TAAR2: variants seen among roughly 807,000 people sequenced by gnomAD.
The protein encoded by TAAR2 is trace amine associated receptor 2.
In TAAR2, 30 loss-of-function variants were observed where a neutral mutation model predicts 25.5. The ratio of observed to expected loss-of-function variants is 1.18; its 90% confidence interval spans 0.88 to 1.60. The LOEUF (loss-of-function observed/expected upper bound fraction) is 1.60. TAAR2 is among the 40% of genes most tolerant of loss of function. The probability of loss-of-function intolerance (pLI) is 0.00; values close to 1 mark genes in which losing one functional copy is unlikely to be tolerated. For missense variants in TAAR2, 481 were observed against 416.5 expected, an observed-to-expected ratio of 1.15 and a Z score of -1.35; for synonymous variants, 150 against 142.4, an observed-to-expected ratio of 1.05 and a Z score of -0.38.
chr6:132,619,222 C>A (rs1777342052), intron 1 of TAAR2, among the ~76,000 whole-genome samples: 1 of 152,216 alleles, frequency 6.6e-6, no homozygotes, highest in East Asian at 1.9e-4. Flanking sequence ...TTTTAGAAAG[C>A]AAGCCATCTC....
intron 1 of TAAR2, among the ~76,000 whole-genome samples, chr6:132,619,069 G>A (rs1348902818): frequency 6.6e-6 from 1 of 152,242 alleles, no homozygotes; most frequent in East Asian, 1.9e-4. Flanking sequence ...AAGCAGCTAA[G>A]TCAGAGGTGG....
At chr6:132,622,067 T>C (rs973161649) in intron 1 of TAAR2, among the ~76,000 whole-genome samples, 7 of 152,134 alleles carry the variant, frequency 4.6e-5, no homozygotes, top group Admixed American at 4.6e-4. Context: ...TAAGCATCTA[T>C]AGATACATGG....
chr6:132,617,198 G>A lies in TAAR2; in HGVS notation c.1008C>T (p.Ser336=). ...LKYILLGKIF[S]SCFHNTILCM... is the part of the protein sequence containing the mutation. ...ACAAAATAGTATTATGGAAACATGA[G>A]CTGAAAATTTTACCTAGCAAAATGT... The change falls in exon 2 of 2, where the codon AGC becomes AGT. Residue 336 remains serine (S), a synonymous_variant. Coordinates refer to ENST00000367931, the MANE Select transcript of TAAR2 (RefSeq NM_001033080.1). The A allele has an allele frequency of 1.2e-6, 2 of 1,605,842 alleles. No individual in the cohort carries two copies.
At chr6:132,620,312 A>G (rs1463700249) in intron 1 of TAAR2, among the ~76,000 whole-genome samples, 1 of 152,224 alleles carries the variant, frequency 6.6e-6, no homozygotes, top group African/African-American at 2.4e-5. Context: ...ACATCTTTAT[A>G]TCTGCCACCT....
chr6:132,621,356 C>G (rs577409035), intron 1 of TAAR2, among the ~76,000 whole-genome samples: 9 of 151,964 alleles, frequency 5.9e-5, no homozygotes, highest in African/African-American at 2.2e-4. Flanking sequence ...GTCAACCCAC[C>G]TTCTAGGTTT....
intron 1 of TAAR2, among the ~76,000 whole-genome samples, chr6:132,622,393 G>A (rs2114613568): frequency 7.0e-6 from 1 of 143,556 alleles, no homozygotes; most frequent in African/African-American, 2.6e-5. Context: ...ATTTTTCTTT[G>A]TGATGTCTTT....
At chr6:132,621,108 A>G (rs1420244016) in intron 1 of TAAR2, among the ~76,000 whole-genome samples, 1 of 151,800 alleles carries the variant, frequency 6.6e-6, no homozygotes, top group Non-Finnish European at 1.5e-5. Flanking sequence ...TCCAAAGCAA[A>G]TTTTGTTGGT....
chr6:132,617,716 G>A lies in TAAR2; in HGVS notation c.490C>T (p.Leu164=), dbSNP rs972643893. 13 of 1,613,930 alleles carry A rather than the reference G, an allele frequency of 8.1e-6. No individual in the cohort carries two copies. Among genetic ancestry groups the A allele is most frequent in the Non-Finnish European group, 1.1e-5 (13 of 1,179,988 alleles). ...KITIPVIKRL[L]LLCWSVPGAF... ...CCAGGGACCGACCAACATAGAAGTA[G>A]CAATCTTTTAATGACTGGAATAGTT... Residue 164 remains leucine (L), a synonymous_variant, in exon 2 of 2, where the codon CTA becomes TTA. Coordinates refer to ENST00000367931, the MANE Select transcript of TAAR2 (RefSeq NM_001033080.1).
chr6:132,618,530 C>T (rs576892742), intron 1 of TAAR2, among the ~76,000 whole-genome samples: 26 of 152,148 alleles, frequency 1.7e-4, no homozygotes, highest in African/African-American at 5.5e-4. Context: ...ATCCCAGCTA[C>T]TCGGGAGGCT....
rs1562194743 is a variant in TAAR2 at position 132,617,777 on chromosome 6, A to C, written c.429T>G (p.Tyr143Ter). ...AATAAAGTAATGGGTAACATATAGCATAAAATCTATCAATGGCCACTGAGC... is the reference window on the plus strand; with the variant it reads ...AATAAAGTAATGGGTAACATATAGCCTAAAATCTATCAATGGCCACTGAGC... ...HLCSVAIDRFYAICYPLLYST... is the reference protein window; with the variant it reads ...HLCSVAIDRF The change falls in exon 2 of 2, where the codon TAT becomes TAG. Residue 143 changes from tyrosine (Y) to a stop codon, truncating the protein, a stop_gained. Coordinates refer to ENST00000367931, the MANE Select transcript of TAAR2 (RefSeq NM_001033080.1). LOFTEE classifies it high-confidence loss of function. 1.2e-6 allele frequency: 2 copies of C among 1,614,096 alleles called. No individual in the cohort carries two copies. The highest frequency in any genetic ancestry group is 8.5e-7 in the Non-Finnish European group (1 of 1,180,002).
At position 132,617,504 on chromosome 6, in the gene TAAR2, T is replaced by A; in HGVS notation, c.702A>T (p.Ala234=). Residue 234 remains alanine, a synonymous_variant, in exon 2 of 2, where the codon GCA becomes GCT. Transcript: ENST00000367931. ...MMVGIYGKIF[A]VSRKHAHAIN... is the part of the protein sequence containing the mutation. ...TGGCATGAGCATGTTTTCTGGATAC[T>A]GCAAAAATTTTGCCATAAATCCCCA... 1 of 1,614,036 alleles carries A rather than the reference T, an allele frequency of 6.2e-7. No homozygotes were observed. Among genetic ancestry groups the A allele is most frequent in the Admixed American group, 1.7e-5 (1 of 60,010 alleles).
At chr6:132,620,533 G>T (rs544110922) in intron 1 of TAAR2, among the ~76,000 whole-genome samples, 17 of 152,174 alleles carry the variant, frequency 1.1e-4, no homozygotes, top group African/African-American at 4.1e-4. Flanking sequence ...ACCAAATACT[G>T]CATGCTCTCA....
In TAAR2 at chr6:132,618,072, G is replaced by A; in HGVS notation, c.134C>T (p.Ala45Val). ...ENERSLGVRV[A>V]MYSFMAGSIF... The stretch of plus-strand genomic sequence containing the variant: ...GGATCCTGCCATAAATGAATACATA[G>A]CCACTCGGACACCCAGAGATCTTTC... The change falls in exon 2 of 2, where the codon GCT becomes GTT. Residue 45 changes from alanine to valine, a missense_variant. By Grantham distance (64) the Ala-to-Val change is moderately conservative (BLOSUM62 0). Coordinates refer to ENST00000367931, the MANE Select transcript of TAAR2 (RefSeq NM_001033080.1). The A allele has an allele frequency of 6.2e-7, 1 of 1,613,944 alleles. No homozygotes were observed. Among genetic ancestry groups the A allele is most frequent in the Admixed American group, 1.7e-5 (1 of 60,002 alleles).
chr6:132,623,031 C>T (rs897801028), intron 1 of TAAR2, among the ~76,000 whole-genome samples: 7 of 152,086 alleles, frequency 4.6e-5, no homozygotes, highest in Non-Finnish European at 1.0e-4. Flanking sequence ...ACTTTCTTTC[C>T]CTCCCTCCTT....
chr6:132,618,319 T>G, intron 1 of TAAR2, 174 bp from the exon 2 acceptor site: 1 of 777,676 alleles, frequency 1.3e-6, no homozygotes. Context: ...TTTGTAATTT[T>G]GTAGAATTGT....
At position 132,617,890 on chromosome 6, in the gene TAAR2, C is replaced by T. The variant is rs748850827; in HGVS notation, c.316G>A (p.Glu106Lys). Reference sequence around the variant, plus strand: ...GTAAGCCCAAAATACCAGCAGTTCTCCACCGATCTGATCATACTATATGGC... The same window carrying T: ...GTAAGCCCAAAATACCAGCAGTTCTTCACCGATCTGATCATACTATATGGC... ...IMPYSMIRSV[E>K]NCWYFGLTFC... Residue 106 changes from glutamate to lysine, a missense_variant, in exon 2 of 2, where the codon GAG (glutamate) becomes AAG (lysine). By Grantham distance (56) the Glu-to-Lys change is moderately conservative. Transcript: ENST00000367931. 1 of 1,614,040 alleles carries T rather than the reference C, an allele frequency of 6.2e-7. No individual in the cohort carries two copies. The highest frequency in any genetic ancestry group is 8.5e-7 in the Non-Finnish European group (1 of 1,179,978).
chr6:132,619,240 A>G (rs1229508946), intron 1 of TAAR2, among the ~76,000 whole-genome samples: 1 of 152,244 alleles, frequency 6.6e-6, no homozygotes, highest in Non-Finnish European at 1.5e-5. Flanking sequence ...CTCTACTACA[A>G]GAAAATTAAG....
At chr6:132,621,087 A>G (rs1291619585) in intron 1 of TAAR2, among the ~76,000 whole-genome samples, 1 of 152,062 alleles carries the variant, frequency 6.6e-6, no homozygotes, top group Non-Finnish European at 1.5e-5. Flanking sequence ...CTCATTAAAA[A>G]GCGTAGGAAA....
At chr6:132,620,850 A>G (rs779114169) in intron 1 of TAAR2, among the ~76,000 whole-genome samples, 2 of 152,058 alleles carry the variant, frequency 1.3e-5, no homozygotes, top group Non-Finnish European at 2.9e-5. Context: ...TAATATGTGC[A>G]TATAGCATTT....
Sources: allele counts gnomAD v4.1 joint callset (sites outside exome capture counted in the v4.1 genomes callset), GRCh38; gene constraint gnomAD v4.1.1; transcripts MANE v1.5; gene names NCBI Gene and HGNC (gene_info 2026-07-23, HGNC 2026-07-21).